Variants in SAMMSON observed in about 807,000 individuals in gnomAD.
The protein encoded by SAMMSON is survival associated mitochondrial melanoma specific oncogenic non-coding RNA.
chr3:70,262,460 T>C (rs185863202), intron 6 of SAMMSON, among the ~76,000 whole-genome samples: 1 of 152,286 alleles, frequency 6.6e-6, no homozygotes, highest in Non-Finnish European at 1.5e-5. Flanking sequence ...ATAAGACCAG[T>C]TATAGTAAAT....
chr3:70,394,759 C>G (rs1051923587), downstream of SAMMSON, among the ~76,000 whole-genome samples: 1 of 152,096 alleles, frequency 6.6e-6, no homozygotes, highest in Non-Finnish European at 1.5e-5. Flanking sequence ...TTTCAGACAT[C>G]GACATCAATC....
At chr3:70,303,382 G>A (rs1702368321) in intron 7 of SAMMSON, among the ~76,000 whole-genome samples, 1 of 152,076 alleles carries the variant, frequency 6.6e-6, no homozygotes, top group South Asian at 2.1e-4. Flanking sequence ...TTGGGACTTG[G>A]ACTCTTAAGG....
chr3:70,051,852 C>CT (rs1394604073), intron 3 of SAMMSON, among the ~76,000 whole-genome samples: 1 of 151,994 alleles, frequency 6.6e-6, no homozygotes, highest in Non-Finnish European at 1.5e-5. Flanking sequence ...AATCCCAGCA[C>CT]TTTGGAAGGC....
At chr3:70,252,292 G>A (rs925996411) in intron 6 of SAMMSON, among the ~76,000 whole-genome samples, 3 of 152,066 alleles carry the variant, frequency 2.0e-5, no homozygotes, top group Non-Finnish European at 2.9e-5. Flanking sequence ...CGTATGCTGT[G>A]ATTTTCCATT....
chr3:70,062,410 A>G (rs73836041), intron 3 of SAMMSON, among the ~76,000 whole-genome samples: 1 of 152,070 alleles, frequency 6.6e-6, no homozygotes, highest in Non-Finnish European at 1.5e-5. Flanking sequence ...TTGATTTAAC[A>G]TATTAATTTG....
intron 4 of SAMMSON, among the ~76,000 whole-genome samples, chr3:70,190,178 A>G (rs771666508): frequency 1.3e-5 from 2 of 152,192 alleles, no homozygotes; most frequent in Non-Finnish European, 2.9e-5. Flanking sequence ...GAGTTTTAAA[A>G]TAAGAAGAGT....
chr3:70,240,172 C>G (rs1701653135), intron 4 of SAMMSON, among the ~76,000 whole-genome samples: 1 of 151,790 alleles, frequency 6.6e-6, no homozygotes, highest in Non-Finnish European at 1.5e-5. Context: ...GTAAAATGGC[C>G]ATTTTAGATA....
intron 4 of SAMMSON, among the ~76,000 whole-genome samples, chr3:70,123,826 C>A (rs57518048): frequency 6.6e-6 from 1 of 152,068 alleles, no homozygotes; most frequent in African/African-American, 2.4e-5. Context: ...GAAGGTAAAG[C>A]CTTCAGGCTT....
intron 4 of SAMMSON, among the ~76,000 whole-genome samples, chr3:70,227,749 G>A (rs886992781): frequency 4.6e-5 from 7 of 152,096 alleles, no homozygotes; most frequent in African/African-American, 1.7e-4. Flanking sequence ...CAATAACTCC[G>A]TGGGATAAGC....
intron 9 of SAMMSON, among the ~76,000 whole-genome samples, chr3:70,378,455 A>G (rs1703038930): frequency 6.6e-6 from 1 of 152,124 alleles, no homozygotes; most frequent in South Asian, 2.1e-4. Flanking sequence ...AGGAAGAAGG[A>G]TGAGGAAGGG....
chr3:70,381,105 C>A (rs1487928072), intron 9 of SAMMSON, among the ~76,000 whole-genome samples: 2 of 152,108 alleles, frequency 1.3e-5, no homozygotes, highest in African/African-American at 4.8e-5. Context: ...TTTCTGACAG[C>A]ATCTTGGAGA....
Position 70,233,822 on chromosome 3 carries a change from A to AT in SAMMSON, n.508-15277dup, listed in dbSNP as rs541332199. 5.5e-4 allele frequency among the ~76,000 whole-genome samples: 84 copies of AT among 152,150 alleles called. No homozygotes were observed. In the South Asian group the frequency reaches 6.2e-3, roughly 11 times the overall value. On this transcript the variant is annotated intron_variant and non_coding_transcript_variant, in intron 4 of 9. Coordinates refer to ENST00000642114, the Ensembl canonical transcript of SAMMSON. The stretch of plus-strand genomic sequence containing the variant: ...ATTCAGATTGTTGCATATCTAAACA[A>AT]TTTTTTTTAGCTGAGTAATATTTAG...
intron 4 of SAMMSON, among the ~76,000 whole-genome samples, chr3:70,111,133 T>C (rs886970453): frequency 1.3e-5 from 2 of 152,188 alleles, no homozygotes; most frequent in African/African-American, 4.8e-5. Flanking sequence ...GACTAGTGTG[T>C]TATATTGTTT....
At chr3:70,396,751 CT>C (rs999339236) in intron 2 of SAMMSON, among the ~76,000 whole-genome samples, 1 of 152,136 alleles carries the variant, frequency 6.6e-6, no homozygotes, top group Non-Finnish European at 1.5e-5. Context: ...TAATCCTAAT[CT>C]TTTCCAGTTC....
intron 8 of SAMMSON, among the ~76,000 whole-genome samples, chr3:70,355,445 A>G (rs1052245821): frequency 6.6e-6 from 1 of 152,212 alleles, no homozygotes; most frequent in Non-Finnish European, 1.5e-5. Context: ...ACTTCCATGA[A>G]ACAAAAACAG....
chr3:70,346,951 T>C (rs1702756087), intron 7 of SAMMSON, among the ~76,000 whole-genome samples: 1 of 152,218 alleles, frequency 6.6e-6, no homozygotes, highest in South Asian at 2.1e-4. Context: ...GCAATGAAAC[T>C]GATTCTAAAC....
intron 4 of SAMMSON, among the ~76,000 whole-genome samples, chr3:70,232,678 A>C (rs1214780898): frequency 6.6e-6 from 1 of 152,094 alleles, no homozygotes; most frequent in East Asian, 1.9e-4. Context: ...GGATGAAGAC[A>C]TCATTCCTGA....
intron 7 of SAMMSON, among the ~76,000 whole-genome samples, chr3:70,299,352 T>C (rs146007266): frequency 2.4e-4 from 37 of 151,926 alleles, no homozygotes; most frequent in African/African-American, 5.6e-4. Flanking sequence ...ATATAAAGCA[T>C]ATAAGATGTA....
chr3:70,126,349 G>C (rs775196174), intron 4 of SAMMSON: 5 of 1,169,360 alleles, frequency 4.3e-6, no homozygotes, highest in African/African-American at 1.5e-5. Flanking sequence ...TGACCTAAAA[G>C]TTTCAGCTGA....
Sources: gnomAD v4.1 joint callset for allele counts (sites outside exome capture counted in the v4.1 genomes callset) on GRCh38, gnomAD v4.1.1 for gene constraint, MANE v1.5 for transcripts, NCBI Gene and HGNC (gene_info 2026-07-23, HGNC 2026-07-21) for gene names.